PIP5K1C: variants seen among roughly 807,000 people sequenced by gnomAD.
PIP5K1C encodes phosphatidylinositol-4-phosphate 5-kinase type 1 gamma.
A neutral mutation model predicts 80.1 loss-of-function variants in PIP5K1C; 45 were observed. The observed-to-expected ratio is 0.56, with a 90% CI of 0.44 to 0.72. The LOEUF (loss-of-function observed/expected upper bound fraction) is 0.72, where lower values mean the gene tolerates loss of function less well. Ranked by LOEUF, PIP5K1C falls within the 30% of genes least tolerant of loss-of-function variation. PIP5K1C has a pLI of 0.00. For synonymous variants in PIP5K1C, 498 were observed against 420.1 expected (o/e 1.19, Z -2.27); for missense variants, 753 against 954.6 (o/e 0.79, Z 2.78).
At chr19:3,643,481 C>G (rs1189117310) in intron 12 of PIP5K1C, 100 bp from the exon 13 acceptor site, 13 of 1,421,450 alleles carry the variant, frequency 9.1e-6, no homozygotes, top group Non-Finnish European at 1.3e-5. Context: ...ACCCACAGCC[C>G]AGTGCCCGCC....
chr19:3,652,438 G>A (rs970907732), intron 7 of PIP5K1C, among the ~76,000 whole-genome samples: 1 of 152,234 alleles, frequency 6.6e-6, no homozygotes, highest in African/African-American at 2.4e-5. Context: ...AGGCCCCTGA[G>A]TGGTCTGGGC....
intron 15 of PIP5K1C, among the ~76,000 whole-genome samples, chr19:3,639,324 G>A (rs879668557): frequency 6.6e-5 from 10 of 152,168 alleles, no homozygotes; most frequent in Non-Finnish European, 1.3e-4. Flanking sequence ...CACCCTCACC[G>A]GCTGTGCCAC....
chr19:3,697,452 C>T (rs1243318677), intron 1 of PIP5K1C, among the ~76,000 whole-genome samples: 5 of 141,304 alleles, frequency 3.5e-5, no homozygotes, highest in South Asian at 2.3e-4. Flanking sequence ...GGAGGAGGAC[C>T]GAGCTGGACC....
intron 1 of PIP5K1C, among the ~76,000 whole-genome samples, chr19:3,676,913 A>C (rs2035377219): frequency 6.6e-6 from 1 of 152,062 alleles, no homozygotes; most frequent in South Asian, 2.1e-4. Flanking sequence ...TTGCCTGGGC[A>C]ACATCGTGAG....
chr19:3,679,498 T>C (rs911193351), intron 1 of PIP5K1C, among the ~76,000 whole-genome samples: 2 of 152,218 alleles, frequency 1.3e-5, no homozygotes, highest in African/African-American at 4.8e-5. Flanking sequence ...GGACTGATCT[T>C]GCTCCTTCCT....
intron 2 of PIP5K1C, among the ~76,000 whole-genome samples, chr19:3,666,883 AG>A (rs1253397239): frequency 2.0e-5 from 3 of 152,258 alleles, no homozygotes; most frequent in Admixed American, 6.5e-5. Flanking sequence ...ACAGACACTG[AG>A]GGCGTGGGTG....
chr19:3,697,343 G>A (rs1289442609), intron 1 of PIP5K1C, among the ~76,000 whole-genome samples: 13 of 147,908 alleles, frequency 8.8e-5, no homozygotes, highest in East Asian at 4.0e-4. Flanking sequence ...GAGCTGGACC[G>A]GGGAGGACCG....
At position 3,641,721 on chromosome 19, in the gene PIP5K1C, TG is replaced by T; in HGVS notation, c.1770del (p.Glu592ArgfsTer19). 1 of 1,609,216 alleles carries T rather than the reference TG, an allele frequency of 6.2e-7. No homozygotes were observed. On this transcript the variant is annotated frameshift_variant, in exon 15 of 18. Transcript: ENST00000335312. LOFTEE classifies it high-confidence loss of function. ...CGTGCTCACCCTGCGTCCTCCTCTT[TG>T]GGGACCACAATCTCCACGCTGCACG... is the stretch of plus-strand genomic sequence containing the variant. ...EPACSVEIVV[P>X]KEEDAGVEAS...
chr19:3,670,560 GC>G (rs2035173656), intron 1 of PIP5K1C, among the ~76,000 whole-genome samples: 1 of 152,256 alleles, frequency 6.6e-6, no homozygotes, highest in Non-Finnish European at 1.5e-5. Context: ...CCAGAGCTGA[GC>G]CAGAACAAAC....
intron 3 of PIP5K1C, among the ~76,000 whole-genome samples, chr19:3,663,063 G>A (rs1196503300): frequency 2.0e-5 from 3 of 150,248 alleles, no homozygotes; most frequent in African/African-American, 4.9e-5. Flanking sequence ...ACAAGGTTGC[G>A]CCATGTTGCC....
Position 3,680,362 on chromosome 19 carries a change from C to T in PIP5K1C, c.95-13009G>A, listed in dbSNP as rs933199595. 3.9e-5 allele frequency among the ~76,000 whole-genome samples: 6 copies of T among 152,096 alleles called. No homozygotes were observed. In the South Asian group the frequency reaches 6.2e-4, roughly 16 times the overall value. ...CTCTGTCGCCCAGGCTGGAGTGCAA[C>T]GGCACCATCCTGACTCACTGCAACC... is the stretch of plus-strand genomic sequence containing the variant. On this transcript the variant is annotated intron_variant, in intron 1 of 17. Transcript: ENST00000335312.
intron 17 of PIP5K1C, 81 bp from the exon 18 acceptor site, chr19:3,633,250 G>A (rs1446946112): frequency 8.5e-6 from 6 of 708,290 alleles, no homozygotes; most frequent in Non-Finnish European, 1.3e-5. Context: ...GCTTCCTTGG[G>A]CCAACACAGG....
chr19:3,663,756 G>A (rs988285459), intron 3 of PIP5K1C, among the ~76,000 whole-genome samples: 5 of 152,196 alleles, frequency 3.3e-5, no homozygotes, highest in Non-Finnish European at 5.9e-5. Flanking sequence ...CGGGGACGCT[G>A]GGCCTCATTC....
At chr19:3,651,348 G>A (rs1467217328) in intron 8 of PIP5K1C, among the ~76,000 whole-genome samples, 3 of 152,164 alleles carry the variant, frequency 2.0e-5, no homozygotes, top group African/African-American at 4.8e-5. Flanking sequence ...GAGACACTGC[G>A]CCCAGCCAGC....
chr19:3,686,474 T>C (rs1038731506), intron 1 of PIP5K1C, among the ~76,000 whole-genome samples: 6 of 150,512 alleles, frequency 4.0e-5, no homozygotes, highest in Non-Finnish European at 8.8e-5. Context: ...ATCCTAGCAC[T>C]CTGGGAGGCC....
In PIP5K1C at chr19:3,643,262, A is replaced by ACGTCTC; in HGVS notation, c.1624_1629dup (p.Glu542_Thr543dup). 1.2e-6 allele frequency: 2 copies of ACGTCTC among 1,613,474 alleles called. No homozygotes were observed. The highest frequency in any genetic ancestry group is 2.2e-5 in the East Asian group (1 of 44,872). The stretch of plus-strand genomic sequence containing the variant: ...GCCCACCTGTACCGCGGCTGCTCCG[A>ACGTCTC]CGTCTCCGAGGGGGACCGCTCAGGA... On this transcript the variant is annotated inframe_insertion, in exon 13 of 18. Transcript: ENST00000335312.
chr19:3,661,616 C>G (rs571100201), intron 4 of PIP5K1C, among the ~76,000 whole-genome samples: 1 of 152,372 alleles, frequency 6.6e-6, no homozygotes, highest in Non-Finnish European at 1.5e-5. Flanking sequence ...GCACTGCCCA[C>G]TGGTTATTTG....
rs566966489 is a variant in PIP5K1C, at chr19:3,637,405, G to A, written c.1920+1479C>T. ...AGCGTGGCTGACCTCAATTGCAGCC[G>A]TGATTTACCCAAAGCCCTTCTGGAA... On this transcript the variant is annotated intron_variant, in intron 16 of 17. Transcript: ENST00000335312. This position sits in a 1 kb window ranked among gnomAD's most constrained non-coding sequence, Gnocchi z 7.0. 9.1e-6 allele frequency: 14 copies of A among 1,535,518 alleles called. No homozygotes were observed. The South Asian group carries it at 1.4e-4, about 16-fold the overall frequency.
intron 6 of PIP5K1C, 38 bp downstream of exon 6, chr19:3,656,367 A>G (rs771184209): frequency 5.6e-6 from 9 of 1,611,024 alleles, no homozygotes; most frequent in Non-Finnish European, 7.6e-6. Flanking sequence ...AAGGGGGTTG[A>G]CCGAGGAGCC....
Sources: allele counts gnomAD v4.1 joint callset (sites outside exome capture counted in the v4.1 genomes callset), GRCh38; gene constraint gnomAD v4.1.1; non-coding constraint Gnocchi (gnomAD v3.1); transcripts MANE v1.5; gene names NCBI Gene and HGNC (gene_info 2026-07-23, HGNC 2026-07-21).